Variants in HGSNAT observed in about 807,000 individuals in gnomAD.
The protein encoded by HGSNAT is heparan-alpha-glucosaminide N-acetyltransferase.
Under a neutral mutation model 85.2 loss-of-function variants are expected in HGSNAT, and 59 were observed. The observed-to-expected ratio is 0.69, with a 90% CI of 0.56 to 0.86. The LOEUF is 0.86. HGSNAT is among the 40% of genes least tolerant of loss of function. The probability of loss-of-function intolerance (pLI) is 0.00; values close to 1 mark genes in which losing one functional copy is unlikely to be tolerated. For missense variants in HGSNAT, 756 were observed against 777.1 expected (o/e 0.97, Z 0.32); for synonymous variants, 321 against 304.5 (o/e 1.05, Z -0.56).
At chr8:43,189,537 G>C (rs1804451226) in intron 11 of HGSNAT, among the ~76,000 whole-genome samples, 1 of 152,180 alleles carries the variant, frequency 6.6e-6, no homozygotes, top group African/African-American at 2.4e-5. Flanking sequence ...ATCTGTCATG[G>C]CTTCCCTTGG....
chr8:43,149,714 T>A (rs538037520), intron 2 of HGSNAT, among the ~76,000 whole-genome samples: 1,925 of 146,900 alleles, frequency 0.013, 21 homozygotes, highest in Middle Eastern at 0.039. Context: ...AAAAAAAAAA[T>A]TTTTTTTTAA....
chr8:43,194,473 C>T (rs563061794), intron 14 of HGSNAT: 2 of 985,432 alleles, frequency 2.0e-6, no homozygotes, highest in African/African-American at 3.5e-5. Flanking sequence ...GTCACTGTGT[C>T]ATTTGTCACA....
intron 2 of HGSNAT, among the ~76,000 whole-genome samples, chr8:43,157,317 A>G (rs987872295): frequency 5.3e-5 from 8 of 152,230 alleles, no homozygotes; most frequent in East Asian, 1.9e-4. Context: ...TGAACAAAAA[A>G]TGATTTTAAA....
Position 43,182,241 on chromosome 8 carries a change from T to C in HGSNAT, c.1109T>C (p.Val370Ala), listed in dbSNP as rs746958395. 1.2e-6 allele frequency: 2 copies of C among 1,613,460 alleles called. No homozygotes were observed. Among genetic ancestry groups the C allele is most frequent in the East Asian group, 4.5e-5 (2 of 44,900 alleles). ...AVLELLFAKP[V>A]PEHCASERSC... ...TTGGAGCTCCTCTTTGCTAAACCTG[T>C]GCCTGAACATTGTGCCTCGGTGAGA... Residue 370 changes from valine to alanine, a missense_variant, in exon 11 of 18, where the codon GTG (valine) becomes GCG (alanine). Physicochemically the swap from Val to Ala is moderately conservative, Grantham distance 64 (BLOSUM62 0). Transcript: ENST00000379644.
intron 2 of HGSNAT, 146 bp downstream of exon 2, chr8:43,147,209 T>C (rs1384431985): frequency 1.8e-6 from 1 of 569,528 alleles, no homozygotes; most frequent in African/African-American, 2.0e-5. Context: ...TCGGAAGAAA[T>C]ACAGTCAGGG....
chr8:43,148,338 T>C (rs1379160453), intron 2 of HGSNAT, among the ~76,000 whole-genome samples: 2 of 151,260 alleles, frequency 1.3e-5, no homozygotes, highest in South Asian at 4.1e-4. Context: ...ATATTTAATT[T>C]ATATTAAATT....
At chr8:43,191,730 G>A in intron 12 of HGSNAT, 135 bp downstream of exon 12, 3 of 1,132,606 alleles carry the variant, frequency 2.6e-6, no homozygotes. Flanking sequence ...CTTTGCATGG[G>A]GAGAGGAGAT....
intron 2 of HGSNAT, among the ~76,000 whole-genome samples, chr8:43,149,133 A>ATAAATAAATAAAT (rs1476876647): frequency 9.3e-4 from 140 of 151,238 alleles, no homozygotes; most frequent in African/African-American, 3.2e-3. Flanking sequence ...AAATAAATAA[A>ATAAATAAATAAAT]TAAATAAATA....
chr8:43,157,404 G>A lies in HGSNAT; in HGVS notation c.235-1171G>A, dbSNP rs190451138. 2.2e-3 allele frequency among the ~76,000 whole-genome samples: 335 copies of A among 152,142 alleles called. 1 individual carries two copies. Among genetic ancestry groups the A allele is most frequent in the African/African-American group, 7.5e-3 (310 of 41,492 alleles). On this transcript the variant is annotated intron_variant, in intron 2 of 17. Transcript: ENST00000379644. ...TAACTAATATTTGGTCATTTGTAAC[G>A]GGAGCTATTAAAATGACTATTTTTT...
intron 9 of HGSNAT, among the ~76,000 whole-genome samples, chr8:43,176,446 A>G (rs1803815189): frequency 1.3e-5 from 2 of 152,046 alleles, no homozygotes; most frequent in South Asian, 4.1e-4. Flanking sequence ...TTTTGTTTCT[A>G]TAGCTCTGTG....
At chr8:43,172,194 C>T (rs961855656) in intron 7 of HGSNAT, 116 bp from the exon 8 acceptor site, 2 of 787,336 alleles carry the variant, frequency 2.5e-6, no homozygotes, top group Non-Finnish European at 4.6e-6. Context: ...ATAAAATGCT[C>T]AGTAGAATTG....
chr8:43,166,240 G>A (rs576856506), intron 5 of HGSNAT, among the ~76,000 whole-genome samples: 1 of 152,314 alleles, frequency 6.6e-6, no homozygotes, highest in Admixed American at 6.5e-5. Context: ...AGAAGATCCA[G>A]CTAAGATAAT....
chr8:43,168,026 C>T, intron 5 of HGSNAT: 1 of 210,570 alleles, frequency 4.7e-6, no homozygotes, highest in South Asian at 4.8e-5. Context: ...TCACACCATT[C>T]TCCTACCTCA....
intron 13 of HGSNAT, among the ~76,000 whole-genome samples, chr8:43,193,160 CCTGT>C (rs1229361115): frequency 2.0e-5 from 3 of 152,110 alleles, no homozygotes; most frequent in Non-Finnish European, 2.9e-5. Flanking sequence ...AGAAGAGGCA[CCTGT>C]CTGAGAGCTG....
intron 7 of HGSNAT, 42 bp downstream of exon 7, chr8:43,170,736 C>G: frequency 8.1e-7 from 1 of 1,240,584 alleles, no homozygotes; most frequent in Non-Finnish European, 1.1e-6. Flanking sequence ...CAGGTAGTCA[C>G]AGGACTACAT....
chr8:43,166,640 C>T (rs1474293044), intron 5 of HGSNAT, among the ~76,000 whole-genome samples: 4 of 152,146 alleles, frequency 2.6e-5, no homozygotes, highest in Admixed American at 2.6e-4. Context: ...CAGCAAGTCA[C>T]CCAAGAGCTC....
At chr8:43,195,700 TG>T (rs1315214713) in intron 14 of HGSNAT, 2 of 42,392 alleles carry the variant, frequency 4.7e-5, no homozygotes, top group Non-Finnish European at 9.1e-5. Flanking sequence ...GAGGAGGGTG[TG>T]GAGGAGGAGG....
intron 1 of HGSNAT, among the ~76,000 whole-genome samples, chr8:43,143,722 T>G (rs1241321732): frequency 2.1e-4 from 32 of 151,170 alleles, no homozygotes; most frequent in Non-Finnish European, 4.6e-4. Context: ...TTTTTTTGTA[T>G]TTTTTAGTAG....
intron 14 of HGSNAT, chr8:43,196,535 GC>G (rs1197733887): frequency 7.8e-7 from 1 of 1,289,938 alleles, no homozygotes. Context: ...CACGGAGCCT[GC>G]CCAGGTGCCC....
Sources: gnomAD v4.1 joint callset for allele counts (sites outside exome capture counted in the v4.1 genomes callset) on GRCh38, gnomAD v4.1.1 for gene constraint, MANE v1.5 for transcripts, NCBI Gene and HGNC (gene_info 2026-07-23, HGNC 2026-07-21) for gene names.